The following DPYD variants were observed in gnomAD, a reference collection of about 807,000 sequenced individuals.
DPYD encodes the protein dihydropyrimidine dehydrogenase [NADP(+)].
A neutral mutation model predicts 116.2 loss-of-function variants in DPYD; 109 were observed. The observed-to-expected ratio is 0.94, with a 90% confidence interval of 0.80 to 1.10. The LOEUF is 1.10. Among genes scored for constraint, DPYD ranks in the 50% least tolerant of loss-of-function variants. DPYD has a pLI of 0.00. For missense variants in DPYD, 1,302 were observed against 1,254.5 expected (o/e 1.04, Z -0.57); for synonymous variants, 440 against 432.0 (o/e 1.02, Z -0.23).
chr1:97,514,119 C>G (rs1556796), intron 13 of DPYD: 323,399 of 822,120 alleles, frequency 0.39, 65,853 homozygotes, highest in African/African-American at 0.58. Context: ...CAGCATCACA[C>G]ACTTCTAAAT....
intron 12 of DPYD, among the ~76,000 whole-genome samples, chr1:97,535,172 AT>A (rs1178542890): frequency 6.6e-6 from 1 of 152,108 alleles, no homozygotes; most frequent in East Asian, 1.9e-4. Context: ...CATCCTGGAT[AT>A]TTTTTGATCT....
At chr1:97,653,288 G>A (rs996256157) in intron 8 of DPYD, among the ~76,000 whole-genome samples, 3 of 150,148 alleles carry the variant, frequency 2.0e-5, no homozygotes, top group African/African-American at 4.9e-5. Flanking sequence ...CAGAATTTCA[G>A]TTTGTTTCTT....
intron 11 of DPYD, among the ~76,000 whole-genome samples, chr1:97,557,881 C>T (rs920368048): frequency 6.6e-6 from 1 of 152,154 alleles, no homozygotes; most frequent in Admixed American, 6.6e-5. Context: ...CTTATTAGAT[C>T]ACAAAAGAAC....
chr1:97,638,465 T>G (rs1286344389), intron 8 of DPYD, among the ~76,000 whole-genome samples: 2 of 152,152 alleles, frequency 1.3e-5, no homozygotes, highest in Admixed American at 6.5e-5. Flanking sequence ...AACTCTTTAT[T>G]ATTGATCATA....
At chr1:97,782,742 A>T (rs1666819793) in intron 3 of DPYD, among the ~76,000 whole-genome samples, 1 of 152,202 alleles carries the variant, frequency 6.6e-6, no homozygotes, top group Non-Finnish European at 1.5e-5. Flanking sequence ...AATAGTATTA[A>T]TCAAATGTCT....
At chr1:97,624,306 G>A (rs1557844206) in intron 8 of DPYD, among the ~76,000 whole-genome samples, 1 of 151,956 alleles carries the variant, frequency 6.6e-6, no homozygotes, top group Non-Finnish European at 1.5e-5. Context: ...TTAAAAATGG[G>A]CAAGGGATCT....
chr1:97,425,543 C>T (rs1463779127), intron 14 of DPYD, among the ~76,000 whole-genome samples: 1 of 152,048 alleles, frequency 6.6e-6, no homozygotes, highest in Non-Finnish European at 1.5e-5. Flanking sequence ...ACTGACCCAG[C>T]ACTTCATTAC....
intron 2 of DPYD, among the ~76,000 whole-genome samples, chr1:97,874,102 A>T (rs1033842257): frequency 4.6e-5 from 7 of 151,878 alleles, no homozygotes; most frequent in Non-Finnish European, 1.0e-4. Flanking sequence ...CACCATCCTC[A>T]TTGTCTTCAT....
rs186719447 is a variant in DPYD at position 97,323,434 on chromosome 1, A to C, written c.2059-17137T>G. On this transcript the variant is annotated intron_variant, in intron 16 of 22. Coordinates refer to ENST00000370192, the MANE Select transcript of DPYD (RefSeq NM_000110.4). Reference sequence around the variant, plus strand: ...TGTACACGTATATATACATATGTGTATATGTACACGTATATACATATCATA... The same window carrying C: ...TGTACACGTATATATACATATGTGTCTATGTACACGTATATACATATCATA... Among the ~76,000 whole-genome samples the C allele has an allele frequency of 3.9e-4, 39 of 100,488 alleles. 2 individuals carry two copies. Among genetic ancestry groups the C allele is most frequent in the African/African-American group, 1.2e-3 (39 of 31,914 alleles). The allele number at this position is 100,488 out of a possible 152,430, so 65.9% of individuals were successfully genotyped here. A position where few individuals can be genotyped will look rare whatever the true frequency, so the allele number is the denominator to read the frequency against.
intron 20 of DPYD, among the ~76,000 whole-genome samples, chr1:97,107,947 TA>T (rs1325729280): frequency 2.6e-5 from 4 of 152,010 alleles, no homozygotes; most frequent in Admixed American, 6.6e-5. Context: ...TAGAAACCAT[TA>T]AAAAAAATGC....
intron 2 of DPYD, chr1:97,854,909 A>G (rs1002757314): frequency 3.9e-5 from 6 of 152,282 alleles, no homozygotes; most frequent in Admixed American, 1.3e-4. Context: ...TGCAAATCCA[A>G]CGCAGTTTAT....
Position 97,463,789 on chromosome 1 carries a change from C to T in DPYD, c.1741-13566G>A, listed in dbSNP as rs149115219. 4.3e-3 allele frequency among the ~76,000 whole-genome samples: 652 copies of T among 152,230 alleles called. 7 individuals carry two copies. The highest frequency in any genetic ancestry group is 0.015 in the African/African-American group (635 of 41,536). On this transcript the variant is annotated intron_variant, in intron 13 of 22. Coordinates refer to ENST00000370192, the MANE Select transcript of DPYD (RefSeq NM_000110.4). ...AGCAAAGAGACTGGCAGCATTTTGCCCCTGCCCTAGAGATCTGTGGAACTC... is the reference window on the plus strand; with the variant it reads ...AGCAAAGAGACTGGCAGCATTTTGCTCCTGCCCTAGAGATCTGTGGAACTC...
intron 7 of DPYD, among the ~76,000 whole-genome samples, chr1:97,682,590 G>C (rs959766524): frequency 6.6e-6 from 1 of 152,084 alleles, no homozygotes; most frequent in Non-Finnish European, 1.5e-5. Context: ...AATGAAATGT[G>C]TGTTAACTAA....
chr1:97,287,104 G>A (rs576871078), intron 18 of DPYD, among the ~76,000 whole-genome samples: 1 of 152,210 alleles, frequency 6.6e-6, no homozygotes, highest in South Asian at 2.1e-4. Flanking sequence ...ATGGGTTTTT[G>A]GTGTGGATGT....
At chr1:97,530,281 A>G (rs1213222671) in intron 12 of DPYD, among the ~76,000 whole-genome samples, 1 of 143,092 alleles carries the variant, frequency 7.0e-6, no homozygotes, top group Non-Finnish European at 1.5e-5. Context: ...GCAGCGGCAC[A>G]ATCTCAGCTC....
At chr1:97,492,086 C>A (rs1269121266) in intron 13 of DPYD, among the ~76,000 whole-genome samples, 2 of 152,078 alleles carry the variant, frequency 1.3e-5, no homozygotes, top group Non-Finnish European at 2.9e-5. Flanking sequence ...AAATTTGTGT[C>A]ATCTCATTGC....
At chr1:97,598,603 G>A (rs555885316) in intron 8 of DPYD, among the ~76,000 whole-genome samples, 1 of 151,402 alleles carries the variant, frequency 6.6e-6, no homozygotes, top group South Asian at 2.1e-4. Context: ...TGAAAAAGAA[G>A]GGAGGGAGGG....
intron 14 of DPYD, among the ~76,000 whole-genome samples, chr1:97,421,719 A>T (rs1183295872): frequency 1.3e-5 from 2 of 152,014 alleles, no homozygotes; most frequent in Admixed American, 6.6e-5. Flanking sequence ...TATTACTGCA[A>T]CTCCTCAGGG....
At chr1:97,920,463 T>C (rs1674450171) in intron 1 of DPYD, among the ~76,000 whole-genome samples, 1 of 152,124 alleles carries the variant, frequency 6.6e-6, no homozygotes, top group Admixed American at 6.5e-5. Context: ...GATTCAGCTA[T>C]TGGAAATGGG....
Sources: gnomAD v4.1 joint callset for allele counts (sites outside exome capture counted in the v4.1 genomes callset) on GRCh38, gnomAD v4.1.1 for gene constraint, MANE v1.5 for transcripts, NCBI Gene and HGNC (gene_info 2026-07-23, HGNC 2026-07-21) for gene names.